The following EPHA1 variants were observed in gnomAD, a reference collection of about 807,000 sequenced individuals.
The protein encoded by EPHA1 is ephrin type-A receptor 1.
EPHA1 carries 92 observed loss-of-function variants against 110.1 expected under a neutral mutation model. The observed-to-expected ratio is 0.84, with a 90% confidence interval of 0.71 to 0.99. EPHA1 has a LOEUF of 0.99. EPHA1 is among the 50% of genes least tolerant of loss of function. The pLI is 0.00. For missense variants in EPHA1, 1,204 were observed against 1,285.4 expected (o/e 0.94, Z 0.97); for synonymous variants, 500 against 516.1 (o/e 0.97, Z 0.42).
At position 143,395,598 on chromosome 7, in the gene EPHA1, T is replaced by C. The variant is rs1225288264; in HGVS notation, c.1898-94A>G. ...CCTCCAGTCCTCCGGCCCTTTTCTT[T>C]TCTGGAGAATCAGAAGCGTGGAGTG... is the stretch of plus-strand genomic sequence containing the variant. On this transcript the variant is annotated intron_variant, in intron 11 of 17. Transcript: ENST00000275815. This position sits in a 1 kb window ranked among gnomAD's most constrained non-coding sequence, Gnocchi z 4.7. 4.5e-6 allele frequency: 6 copies of C among 1,346,424 alleles called. No homozygotes were observed. The highest frequency in any genetic ancestry group is 2.9e-5 in the African/African-American group (2 of 68,692). The allele number at this position is 1,346,424 out of a possible 1,614,324, so 83.4% of individuals were successfully genotyped here.
chr7:143,398,475 A>T, intron 6 of EPHA1, 27 bp from the exon 7 acceptor site: 1 of 1,613,762 alleles, frequency 6.2e-7, no homozygotes. Flanking sequence ...ATAAGGTTGG[A>T]TATGTAAGGA....
rs1186505049 is a variant in EPHA1, at chr7:143,394,224, G to C, written c.2472C>G (p.Asp824Glu). 4 of 1,613,906 alleles carry C rather than the reference G, an allele frequency of 2.5e-6. No homozygotes were observed. Among genetic ancestry groups the C allele is most frequent in the African/African-American group, 1.3e-5 (1 of 74,900 alleles). ...GATTGCTCATCTCCCCATAAGGCTT[G>C]TCCCCAAAGCTCAGCACCTCCCACA... ...IVMWEVLSFG[D>E]KPYGEMSNQE... The change falls in exon 15 of 18, where the codon GAC becomes GAG. Residue 824 changes from aspartate to glutamate, a missense_variant. By Grantham distance (45) the Asp-to-Glu change is conservative. Coordinates refer to ENST00000275815, the MANE Select transcript of EPHA1 (RefSeq NM_005232.5).
In EPHA1 at chr7:143,394,975, T is replaced by C; in HGVS notation, c.2185A>G (p.Met729Val). 1 of 1,614,132 alleles carries C rather than the reference T, an allele frequency of 6.2e-7. No homozygotes were observed. Among genetic ancestry groups the C allele is most frequent in the Non-Finnish European group, 8.5e-7 (1 of 1,180,020 alleles). ...DQLVPGQLVAMLQGIASGMNY... is the reference protein window; with the variant it reads ...DQLVPGQLVAVLQGIASGMNY... ...ATGCCAGATGCTATGCCCTGCAGCA[T>C]GGCCACTAGCTGCCCAGGGACCAGC... Residue 729 changes from methionine to valine, a missense_variant, in exon 14 of 18, where the codon ATG (methionine) becomes GTG (valine). By Grantham distance (21) the Met-to-Val change is conservative. Coordinates refer to ENST00000275815, the MANE Select transcript of EPHA1 (RefSeq NM_005232.5).
intron 10 of EPHA1, chr7:143,396,796 C>T (rs1408248699): frequency 1.0e-5 from 4 of 386,158 alleles, no homozygotes; most frequent in East Asian, 5.0e-5. Context: ...ATCTTCTCAG[C>T]GGCCAGTCCC....
In EPHA1 at chr7:143,391,648, T is replaced by C. The variant is rs753912953; in HGVS notation, c.2824A>G (p.Met942Val). The C allele has an allele frequency of 5.0e-6, 8 of 1,613,946 alleles. No homozygotes were observed. Among genetic ancestry groups the C allele is most frequent in the Non-Finnish European group, 6.8e-6 (8 of 1,180,006 alleles). Residue 942 changes from methionine (M) to valine (V), a missense_variant, in exon 17 of 18, where the codon ATG becomes GTG. Physicochemically the swap from Met to Val is conservative, Grantham distance 21 (BLOSUM62 1). Transcript: ENST00000275815. ...GCGGTCAGCTCCAGCACACACTCCA[T>C]GGTGTCCAGCCCAGCCGAGTGGAAG... ...LHFHSAGLDT[M>V]ECVLELTAED... is the part of the protein sequence containing the mutation.
Position 143,401,275 on chromosome 7 carries a change from C to A in EPHA1, c.432+49G>T, listed in dbSNP as rs151109384. ...ACCTTCTCTGGCACCCAATAAGGAG[C>A]CACCAGGGATCTGCACCAGGACCCA... is the stretch of plus-strand genomic sequence containing the variant. On this transcript the variant is annotated intron_variant, in intron 3 of 17. Transcript: ENST00000275815. The surrounding 1 kb of genome is among the most constrained non-coding windows in gnomAD (Gnocchi z 4.1). 865 of 1,589,816 alleles carry A rather than the reference C, an allele frequency of 5.4e-4. 5 individuals are homozygous for A. In the East Asian group the frequency reaches 0.014, roughly 25 times the overall value.
In EPHA1 at chr7:143,395,428, T is replaced by A. The variant is rs1805216810; in HGVS notation, c.1974A>T (p.Leu658Phe). 6.2e-7 allele frequency: 1 copy of A among 1,614,084 alleles called. No individual in the cohort carries two copies. Residue 658 changes from leucine (L) to phenylalanine (F), a missense_variant, in exon 12 of 18, where the codon TTA becomes TTT. Transcript: ENST00000275815. This position sits in a 1 kb window ranked among gnomAD's most constrained non-coding sequence, Gnocchi z 4.7. ...QDCKTVAIKT[L>F]KDTSPGGQWW... ...ACTGGCCACCTGGGGATGTGTCTTT[T>A]AAGGTCTTAATGGCCACAGTCTTGC...
chr7:143,401,701 C>T lies in EPHA1; in HGVS notation c.151-96G>A. ...ATGGAGAAGCAGCTGTGTCAGAGCC[C>T]CTCAGGTTTATGCTACTTGTTCTGC... On this transcript the variant is annotated intron_variant, in intron 2 of 17. Coordinates refer to ENST00000275815, the MANE Select transcript of EPHA1 (RefSeq NM_005232.5). This position sits in a 1 kb window ranked among gnomAD's most constrained non-coding sequence, Gnocchi z 4.1. 6.8e-7 allele frequency: 1 copy of T among 1,475,398 alleles called. No individual in the cohort carries two copies. 91.4% of individuals were successfully genotyped at this position (1,475,398 alleles called of 1,614,324 possible).
At position 143,401,381 on chromosome 7, in the gene EPHA1, C is replaced by T. The variant is rs983944429; in HGVS notation, c.375G>A (p.Leu125=). The T allele has an allele frequency of 6.2e-7, 1 of 1,614,150 alleles. No homozygotes were observed. ...CCACATCCTGGTCACTCTCCATGTACAGAAGGTTGAAGGTCTCCTTGCAGC... is the reference window on the plus strand; with the variant it reads ...CCACATCCTGGTCACTCTCCATGTATAGAAGGTTGAAGGTCTCCTTGCAGC... ...PLGCKETFNL[L]YMESDQDVGI... Residue 125 remains leucine (L), a synonymous_variant, in exon 3 of 18, where the codon CTG becomes CTA. Transcript: ENST00000275815. This position sits in a 1 kb window ranked among gnomAD's most constrained non-coding sequence, Gnocchi z 4.1.
At chr7:143,392,242 C>G (rs945608080) in intron 16 of EPHA1, among the ~76,000 whole-genome samples, 1 of 152,208 alleles carries the variant, frequency 6.6e-6, no homozygotes, top group African/African-American at 2.4e-5. Context: ...GGCTGTTATT[C>G]TTGCACTCTG....
rs1805203620 is a variant in EPHA1 at position 143,394,962 on chromosome 7, A to G, written c.2198T>C (p.Ile733Thr). 1 of 1,614,098 alleles carries G rather than the reference A, an allele frequency of 6.2e-7. No homozygotes were observed. Among genetic ancestry groups the G allele is most frequent in the East Asian group, 2.2e-5 (1 of 44,874 alleles). ...ACTGAGGTAGTTCATGCCAGATGCT[A>G]TGCCCTGCAGCATGGCCACTAGCTG... ...PGQLVAMLQG[I>T]ASGMNYLSNH... is the part of the protein sequence containing the mutation. Residue 733 changes from isoleucine (I) to threonine (T), a missense_variant, in exon 14 of 18, where the codon ATA becomes ACA. Coordinates refer to ENST00000275815, the MANE Select transcript of EPHA1 (RefSeq NM_005232.5).
rs928450561 is a variant in EPHA1, at chr7:143,393,578, C to T, written c.2696+93G>A. ...ACACTGGACTTGGTCCAGAGCTCCC[C>T]AGGCCCAGCGCTCAAAGAAGATTGG... On this transcript the variant is annotated intron_variant, in intron 16 of 17. Coordinates refer to ENST00000275815, the MANE Select transcript of EPHA1 (RefSeq NM_005232.5). The surrounding 1 kb of genome is among the most constrained non-coding windows in gnomAD (Gnocchi z 5.6). 2.8e-6 allele frequency: 4 copies of T among 1,439,544 alleles called. No homozygotes were observed. Among genetic ancestry groups the T allele is most frequent in the Non-Finnish European group, 3.8e-6 (4 of 1,061,012 alleles). 89.2% of individuals were successfully genotyped at this position (1,439,544 alleles called of 1,614,324 possible). A position where few individuals can be genotyped will look rare whatever the true frequency, so the allele number is the denominator to read the frequency against.
At chr7:143,400,237 G>A (rs1805382215) in intron 3 of EPHA1, among the ~76,000 whole-genome samples, 184 bp from the exon 4 acceptor site, 1 of 152,178 alleles carries the variant, frequency 6.6e-6, no homozygotes, top group Admixed American at 6.5e-5. Context: ...CTCTTATGAG[G>A]TAGGATGGCT....
Position 143,397,314 on chromosome 7 carries a change from A to G in EPHA1, c.1761T>C (p.Asp587=). 6.5e-7 allele frequency: 1 copy of G among 1,549,684 alleles called. No individual in the cohort carries two copies. The highest frequency in any genetic ancestry group is 8.7e-7 in the Non-Finnish European group (1 of 1,146,776). ...GTGCACCCGACTCACCTCGATCCAC[A>G]TCGGTGGCGCGGTCACGCTGCCTCT... The part of the protein sequence containing the change: ...RQQRQRDRAT[D]VDREDKLWLK... The change falls in exon 10 of 18, where the codon GAT becomes GAC. Residue 587 remains aspartate, a synonymous_variant. Transcript: ENST00000275815.
At chr7:143,404,698 G>A (rs553244455) in intron 2 of EPHA1, among the ~76,000 whole-genome samples, 3 of 152,024 alleles carry the variant, frequency 2.0e-5, no homozygotes, top group Non-Finnish European at 4.4e-5. Flanking sequence ...GTGATCTTGT[G>A]CAAGACATAT....
At position 143,395,668 on chromosome 7, in the gene EPHA1, A is replaced by G. The variant is rs1286331660; in HGVS notation, c.1898-164T>C. The G allele has an allele frequency of 8.6e-6, 6 of 698,738 alleles. No individual in the cohort carries two copies. Among genetic ancestry groups the G allele is most frequent in the African/African-American group, 1.8e-5 (1 of 55,518 alleles). The allele number at this position is 698,738 out of a possible 1,614,324, so 43.3% of individuals were successfully genotyped here. On this transcript the variant is annotated intron_variant, in intron 11 of 17. Coordinates refer to ENST00000275815, the MANE Select transcript of EPHA1 (RefSeq NM_005232.5). The surrounding 1 kb of genome is among the most constrained non-coding windows in gnomAD (Gnocchi z 4.7). Reference sequence around the variant, plus strand: ...TGGGCTGTCCTTCCTGGGGAAGGTCAGAGTCTGGAGCTGGAGTGCAATGCC... The same window carrying G: ...TGGGCTGTCCTTCCTGGGGAAGGTCGGAGTCTGGAGCTGGAGTGCAATGCC...
chr7:143,406,161 G>A (rs1392419033), intron 2 of EPHA1, among the ~76,000 whole-genome samples: 2 of 152,218 alleles, frequency 1.3e-5, no homozygotes, highest in Non-Finnish European at 2.9e-5. Context: ...AGACTGGGGT[G>A]GGGGAGGCCT....
In EPHA1 at chr7:143,395,926, C is replaced by G. The variant is rs1805232261; in HGVS notation, c.1898-422G>C. Among the ~76,000 whole-genome samples the G allele has an allele frequency of 6.6e-6, 1 of 152,218 alleles. No individual in the cohort carries two copies. The highest frequency in any genetic ancestry group is 2.4e-5 in the African/African-American group (1 of 41,462). On this transcript the variant is annotated intron_variant, in intron 11 of 17. Transcript: ENST00000275815. This position sits in a 1 kb window ranked among gnomAD's most constrained non-coding sequence, Gnocchi z 4.7. ...CTCAGCTGCACAATTGGCAAGGACA[C>G]CACCAAGCTTTGTTCTCCACTGAGA...
At chr7:143,391,909 A>C in intron 16 of EPHA1, 134 bp from the exon 17 acceptor site, 13 of 1,464,982 alleles carry the variant, frequency 8.9e-6, no homozygotes, top group Non-Finnish European at 1.1e-5. Flanking sequence ...GATTGACCCC[A>C]CCATTATCTC....
Sources: allele counts gnomAD v4.1 joint callset (sites outside exome capture counted in the v4.1 genomes callset), GRCh38; gene constraint gnomAD v4.1.1; non-coding constraint Gnocchi (gnomAD v3.1); transcripts MANE v1.5; gene names NCBI Gene and HGNC (gene_info 2026-07-23, HGNC 2026-07-21).